GABRA3: variants seen among roughly 807,000 people sequenced by gnomAD.
GABRA3 encodes gamma-aminobutyric acid receptor subunit alpha-3.
In GABRA3, 10 loss-of-function variants were observed where a neutral mutation model predicts 30.1. The observed-to-expected ratio is 0.33, with a 90% confidence interval of 0.20 to 0.56. The LOEUF (loss-of-function observed/expected upper bound fraction) is 0.56, where lower values mean the gene tolerates loss of function less well. Among genes scored for constraint, GABRA3 ranks in the 20% least tolerant of loss-of-function variants. The probability of loss-of-function intolerance (pLI) is 0.89; values close to 1 mark genes in which losing one functional copy is unlikely to be tolerated. For missense variants in GABRA3, 233 were observed against 392.0 expected, an observed-to-expected ratio of 0.59 and a Z score of 3.42; for synonymous variants, 151 against 146.8, an observed-to-expected ratio of 1.03 and a Z score of -0.21.
chrX:152,390,875 C>CA (rs1031375524), intron 1 of GABRA3, among the ~76,000 whole-genome samples: 2 of 110,105 alleles, frequency 1.8e-5, no homozygotes, highest in African/African-American at 3.3e-5. Flanking sequence ...TAGGGAAAAA[C>CA]AAAAAAAAGT....
At position 152,168,391 on chromosome X, in the gene GABRA3, A is replaced by T; in HGVS notation, c.1316T>A (p.Val439Glu). Residue 439 changes from valine (V) to glutamate (E), a missense_variant, in exon 10 of 10, where the codon GTG becomes GAG. Physicochemically the swap from Val to Glu is moderately radical, Grantham distance 121. This residue lies in a region of GABRA3 where 66 missense variants were observed against 57.1 expected (regional missense o/e 1.16). Transcript: ENST00000370314. The stretch of plus-strand genomic sequence containing the variant: ...CTTGGTCTCAGTCGGGCTGTCCTGC[A>T]CGTAGGTGGCCTTGGGTGAAGCAAT... ...TIIASPKATY[V>E]QDSPTETKTY... 2.5e-6 allele frequency: 3 copies of T among 1,212,085 alleles called. No individual in the cohort carries two copies. In the South Asian group the frequency reaches 5.3e-5, roughly 21 times the overall value.
At chrX:152,432,500 C>T (rs1046567444) in intron 1 of GABRA3, among the ~76,000 whole-genome samples, 2 of 111,182 alleles carry the variant, frequency 1.8e-5, no homozygotes, top group South Asian at 3.7e-4. Context: ...TTAGCCATTA[C>T]GTTCAAAAAC....
intron 6 of GABRA3, among the ~76,000 whole-genome samples, chrX:152,219,795 T>C (rs1182233746): frequency 1.8e-5 from 2 of 111,366 alleles, no homozygotes; most frequent in Non-Finnish European, 3.8e-5. Context: ...TTTATATGTA[T>C]AGTATACTAC....
intron 4 of GABRA3, among the ~76,000 whole-genome samples, chrX:152,275,171 T>A (rs1337281859): frequency 2.6e-5 from 2 of 76,690 alleles, no homozygotes; most frequent in Admixed American, 4.1e-4. Context: ...TATATATAAT[T>A]TATATATATT....
intron 6 of GABRA3, among the ~76,000 whole-genome samples, chrX:152,208,429 C>T (rs1000981688): frequency 1.8e-5 from 2 of 111,869 alleles, no homozygotes; most frequent in African/African-American, 6.5e-5. Context: ...ACTTTTTCTT[C>T]TGTTGGACAG....
At chrX:152,412,621 G>T (rs180978254) in intron 1 of GABRA3, among the ~76,000 whole-genome samples, 2 of 111,724 alleles carry the variant, frequency 1.8e-5, no homozygotes, top group African/African-American at 6.5e-5. Flanking sequence ...ACCACATATT[G>T]TATGATTCCA....
intron 7 of GABRA3, among the ~76,000 whole-genome samples, chrX:152,207,354 C>G (rs775535080): frequency 8.9e-6 from 1 of 111,771 alleles, no homozygotes; most frequent in Non-Finnish European, 1.9e-5. Context: ...TAGTTGAGAT[C>G]CAGAATATAT....
chrX:152,301,252 T>C (rs1032218594), intron 3 of GABRA3, among the ~76,000 whole-genome samples: 2 of 111,896 alleles, frequency 1.8e-5, no homozygotes, highest in African/African-American at 6.5e-5. Flanking sequence ...ACCAGAATCC[T>C]ATATCCAGCA....
intron 1 of GABRA3, among the ~76,000 whole-genome samples, chrX:152,410,696 G>A (rs1209920301): frequency 9.0e-6 from 1 of 110,666 alleles, no homozygotes; most frequent in Non-Finnish European, 1.9e-5. Flanking sequence ...AACCAATCCT[G>A]GGGAAGTGGG....
intron 3 of GABRA3, among the ~76,000 whole-genome samples, chrX:152,298,375 T>G: frequency 1.1e-5 from 1 of 93,975 alleles, no homozygotes; most frequent in Admixed American, 1.1e-4. Flanking sequence ...CCCTCCCCCC[T>G]TCCCCCACCC....
At chrX:152,223,314 T>C (rs1352775208) in intron 6 of GABRA3, among the ~76,000 whole-genome samples, 1 of 112,035 alleles carries the variant, frequency 8.9e-6, no homozygotes, top group Non-Finnish European at 1.9e-5. Context: ...CCCAGAAATA[T>C]TGCAGTCACC....
chrX:152,192,113 T>C (rs1394775806), intron 8 of GABRA3, among the ~76,000 whole-genome samples: 1 of 112,342 alleles, frequency 8.9e-6, no homozygotes, highest in Non-Finnish European at 1.9e-5. Flanking sequence ...TTCTGTGCCA[T>C]ATCTCAGTAG....
chrX:152,366,036 G>A (rs919915709), intron 1 of GABRA3, among the ~76,000 whole-genome samples: 1 of 111,855 alleles, frequency 8.9e-6, no homozygotes, highest in African/African-American at 3.2e-5. Context: ...CAATAAAAGA[G>A]TTGATGGACA....
intron 9 of GABRA3, among the ~76,000 whole-genome samples, chrX:152,178,087 C>G (rs1229154338): frequency 9.0e-6 from 1 of 111,374 alleles, no homozygotes; most frequent in East Asian, 2.8e-4. Flanking sequence ...TCCTGTGACA[C>G]TCAGCACTTT....
chrX:152,360,697 T>TA (rs1376628186), intron 2 of GABRA3, among the ~76,000 whole-genome samples: 306 of 17,658 alleles, frequency 0.017, 2 homozygotes, highest in African/African-American at 0.046. Flanking sequence ...TAGAGTATAA[T>TA]AAAAAAAAAA....
Position 152,224,751 on chromosome X carries a change from G to A in GABRA3, c.634+12C>T, listed in dbSNP as rs200000279. ...AAAAAAAAAGACAGAGAGAGAGAGA[G>A]AAAATACATACAGCTTCCAAACTTC... On this transcript the variant is annotated intron_variant, in intron 6 of 9. Coordinates refer to ENST00000370314, the MANE Select transcript of GABRA3 (RefSeq NM_000808.4). 55 of 1,136,327 alleles carry A rather than the reference G, an allele frequency of 4.8e-5. No individual in the cohort carries two copies. The highest frequency in any genetic ancestry group is 7.3e-5 in the African/African-American group (4 of 55,151). The allele number at this position is 1,136,327 out of a possible 1,213,427, so 93.6% of individuals were successfully genotyped here.
At chrX:152,305,163 G>GA (rs1467125360) in intron 3 of GABRA3, among the ~76,000 whole-genome samples, 1 of 110,915 alleles carries the variant, frequency 9.0e-6, no homozygotes, top group East Asian at 2.8e-4. Context: ...AATTAATACA[G>GA]AAACAGAAAA....
At position 152,377,206 on chromosome X, in the gene GABRA3, A is replaced by C. The variant is rs1158324359; in HGVS notation, c.-26-12610T>G. Among the ~76,000 whole-genome samples, 4 of 111,810 alleles carry C rather than the reference A, an allele frequency of 3.6e-5. No homozygotes were observed. In the East Asian group the frequency reaches 1.1e-3, roughly 31 times the overall value. On this transcript the variant is annotated intron_variant, in intron 1 of 9. Coordinates refer to ENST00000370314, the MANE Select transcript of GABRA3 (RefSeq NM_000808.4). ...TCATTCCATGATTAATATATTTTGT[A>C]CTGTACTCTTCTGTGAGGTATATAT...
At chrX:152,272,377 T>G (rs182427720) in intron 4 of GABRA3, among the ~76,000 whole-genome samples, 19 of 112,669 alleles carry the variant, frequency 1.7e-4, no homozygotes, top group Non-Finnish European at 2.6e-4. Context: ...TATTGGATTT[T>G]GGACACGCAT....
Sources: gnomAD v4.1 joint callset for allele counts (sites outside exome capture counted in the v4.1 genomes callset) on GRCh38, gnomAD v4.1.1 for gene constraint, gnomAD v4.1.1 regional missense constraint, MANE v1.5 for transcripts, NCBI Gene and HGNC (gene_info 2026-07-23, HGNC 2026-07-21) for gene names.